Variants in DOCK1 observed in about 807,000 individuals in gnomAD.
DOCK1 encodes dedicator of cytokinesis protein 1.
A neutral mutation model predicts 262.7 loss-of-function variants in DOCK1; 138 were observed. That is an observed-to-expected ratio of 0.53 (90% CI 0.46 to 0.61). The LOEUF is 0.61. DOCK1 is among the 20% of genes least tolerant of loss of function. The probability of loss-of-function intolerance (pLI) is 0.00; values close to 1 mark genes in which losing one functional copy is unlikely to be tolerated. For synonymous variants in DOCK1, 866 were observed against 867.4 expected (o/e 1.00, Z 0.03); for missense variants, 1,908 against 2,370.7 (o/e 0.80, Z 4.05).
chr10:127,298,580 A>G (rs912693625), intron 29 of DOCK1, among the ~76,000 whole-genome samples: 1 of 152,190 alleles, frequency 6.6e-6, no homozygotes, highest in Non-Finnish European at 1.5e-5. Flanking sequence ...CAGCTGGGCC[A>G]TAAATTGTCT....
chr10:127,087,562 G>T (rs377528165), intron 23 of DOCK1, among the ~76,000 whole-genome samples: 2 of 152,056 alleles, frequency 1.3e-5, no homozygotes, highest in East Asian at 3.9e-4. Flanking sequence ...CGGCTAACCT[G>T]GGGTGGGCGA....
At chr10:126,925,773 C>A (rs1258337378) in intron 1 of DOCK1, among the ~76,000 whole-genome samples, 1 of 140,834 alleles carries the variant, frequency 7.1e-6, no homozygotes, top group South Asian at 2.2e-4. Flanking sequence ...TGTGTGTGCG[C>A]CTAGGTGCAT....
chr10:126,936,013 CTT>C (rs1415806488), intron 1 of DOCK1, among the ~76,000 whole-genome samples: 1 of 152,214 alleles, frequency 6.6e-6, no homozygotes, highest in Non-Finnish European at 1.5e-5. Context: ...CAAGGCCTCA[CTT>C]TGTCATCCAG....
At chr10:127,410,609 TG>T (rs2067787986) in intron 42 of DOCK1, among the ~76,000 whole-genome samples, 1 of 152,244 alleles carries the variant, frequency 6.6e-6, no homozygotes, top group East Asian at 1.9e-4. Flanking sequence ...ACTCAGCTTC[TG>T]TTTTCCCTCG....
chr10:127,009,268 G>C (rs896385919), intron 11 of DOCK1, among the ~76,000 whole-genome samples: 1 of 152,040 alleles, frequency 6.6e-6, no homozygotes, highest in African/African-American at 2.4e-5. Context: ...TTTGTGTCTC[G>C]GTTTTTGCTT....
chr10:127,118,621 C>T (rs2049335664), intron 25 of DOCK1, among the ~76,000 whole-genome samples: 1 of 152,210 alleles, frequency 6.6e-6, no homozygotes, highest in Non-Finnish European at 1.5e-5. Flanking sequence ...TTCCAATTTC[C>T]AACACCCTTT....
intron 42 of DOCK1, among the ~76,000 whole-genome samples, chr10:127,410,016 T>C (rs2067750966): frequency 6.6e-6 from 1 of 152,250 alleles, no homozygotes; most frequent in African/African-American, 2.4e-5. Flanking sequence ...GTGTTTGATA[T>C]TAAGACTTTT....
chr10:127,002,250 C>T (rs1402883228), intron 10 of DOCK1, among the ~76,000 whole-genome samples: 3 of 152,222 alleles, frequency 2.0e-5, no homozygotes, highest in East Asian at 3.9e-4. Context: ...ACACGGAAGT[C>T]GCTCCTCTTT....
At chr10:127,371,016 G>C (rs2065178912) in intron 33 of DOCK1, among the ~76,000 whole-genome samples, 1 of 152,222 alleles carries the variant, frequency 6.6e-6, no homozygotes, top group Admixed American at 6.5e-5. Flanking sequence ...CAGCCATAGA[G>C]AACCTTGTTG....
chr10:127,315,913 G>A (rs565105833), intron 29 of DOCK1, among the ~76,000 whole-genome samples: 1 of 152,096 alleles, frequency 6.6e-6, no homozygotes, highest in African/African-American at 2.4e-5. Flanking sequence ...TGCCCAGGCT[G>A]GTCTCAAACT....
chr10:127,119,966 G>A (rs1402575816), intron 25 of DOCK1, among the ~76,000 whole-genome samples: 1 of 152,008 alleles, frequency 6.6e-6, no homozygotes, highest in East Asian at 1.9e-4. Context: ...TCCTGGCTTC[G>A]GCCCTTGCAG....
intron 27 of DOCK1, among the ~76,000 whole-genome samples, chr10:127,199,925 C>A (rs1004304325): frequency 1.3e-5 from 2 of 152,204 alleles, no homozygotes; most frequent in African/African-American, 4.8e-5. Context: ...CCTGTATCCT[C>A]TCCAGTGTGC....
intron 10 of DOCK1, among the ~76,000 whole-genome samples, chr10:127,004,769 GC>G (rs1285670669): frequency 5.6e-4 from 8 of 14,276 alleles, no homozygotes; most frequent in South Asian, 3.9e-3. Flanking sequence ...CCCCTGCCCC[GC>G]CACCCCCCCG....
chr10:126,910,703 C>T (rs1275995820), intron 1 of DOCK1, among the ~76,000 whole-genome samples: 1 of 152,150 alleles, frequency 6.6e-6, no homozygotes, highest in South Asian at 2.1e-4. Context: ...AGAACATTTC[C>T]AGCACCACAA....
intron 1 of DOCK1, among the ~76,000 whole-genome samples, chr10:126,968,429 C>T (rs1335944040): frequency 1.3e-5 from 2 of 152,114 alleles, no homozygotes; most frequent in Admixed American, 6.5e-5. Flanking sequence ...CCTACAAAAT[C>T]ATGGGTTGTC....
Position 127,176,282 on chromosome 10 carries a change from A to T in DOCK1, c.2847+48518A>T, listed in dbSNP as rs1453330233. 1 of 1,613,912 alleles carries T rather than the reference A, an allele frequency of 6.2e-7. No homozygotes were observed. Among genetic ancestry groups the T allele is most frequent in the Non-Finnish European group, 8.5e-7 (1 of 1,180,000 alleles). On this transcript the variant is annotated intron_variant, in intron 27 of 51. Transcript: ENST00000623213. The surrounding 1 kb of genome is among the most constrained non-coding windows in gnomAD (Gnocchi z 4.4). ...CCTGCAGGGCTTTGTTCCGTTTTTT[A>T]ATCTGCCGGTTGGGGTCCAGGGCGT...
intron 27 of DOCK1, among the ~76,000 whole-genome samples, chr10:127,240,709 C>T (rs1330992186): frequency 3.3e-5 from 5 of 152,030 alleles, no homozygotes; most frequent in Admixed American, 6.6e-5. Context: ...TTATACTCCC[C>T]GCCCCCTTAA....
At chr10:126,966,950 A>T (rs2037720482) in intron 1 of DOCK1, among the ~76,000 whole-genome samples, 2 of 152,176 alleles carry the variant, frequency 1.3e-5, no homozygotes, top group African/African-American at 4.8e-5. Context: ...GGACCTGAAG[A>T]TGCTCATTGG....
intron 32 of DOCK1, among the ~76,000 whole-genome samples, chr10:127,355,027 C>T (rs1449457633): frequency 1.3e-5 from 2 of 152,240 alleles, no homozygotes; most frequent in African/African-American, 2.4e-5. Flanking sequence ...CCTCAGTTGC[C>T]TCAGTTCCTT....
Sources: gnomAD v4.1 joint callset for allele counts (sites outside exome capture counted in the v4.1 genomes callset) on GRCh38, gnomAD v4.1.1 for gene constraint, Gnocchi (gnomAD v3.1) non-coding constraint, MANE v1.5 for transcripts, NCBI Gene and HGNC (gene_info 2026-07-23, HGNC 2026-07-21) for gene names.